Variants in TMTC4 observed in about 807,000 individuals in gnomAD.
TMTC4 encodes the protein transmembrane O-mannosyltransferase targeting cadherins 4, also known as protein O-mannosyl-transferase TMTC4.
TMTC4 carries 65 observed loss-of-function variants against 86.0 expected under a neutral mutation model. That is an observed-to-expected ratio of 0.76 (90% CI 0.62 to 0.93). The LOEUF (loss-of-function observed/expected upper bound fraction) is 0.93. TMTC4 is among the 40% of genes least tolerant of loss of function. The probability of loss-of-function intolerance (pLI) is 0.00; values close to 1 mark genes in which losing one functional copy is unlikely to be tolerated. For missense variants in TMTC4, 866 were observed against 948.1 expected (o/e 0.91, Z 1.14); for synonymous variants, 379 against 382.5 (o/e 0.99, Z 0.11).
At chr13:100,621,960 C>T (rs780996170) in intron 15 of TMTC4, among the ~76,000 whole-genome samples, 1 of 152,114 alleles carries the variant, frequency 6.6e-6, no homozygotes, top group Admixed American at 6.5e-5. Flanking sequence ...AGTCACCACT[C>T]GTAACATTAT....
chr13:100,660,850 C>T lies in TMTC4; in HGVS notation c.552+2114G>A, dbSNP rs551639528. Among the ~76,000 whole-genome samples the T allele has an allele frequency of 9.2e-5, 14 of 152,078 alleles. No homozygotes were observed. In the East Asian group the frequency reaches 1.7e-3, roughly 19 times the overall value. On this transcript the variant is annotated intron_variant, in intron 5 of 18. Transcript: ENST00000342624. ...TGTATTTTTAGTAGAGACGGTTTTT[C>T]GCCATGTTGGCCAGGCTGGTTTGGA...
intron 12 of TMTC4, among the ~76,000 whole-genome samples, chr13:100,632,818 C>G (rs1449706466): frequency 2.6e-5 from 4 of 152,074 alleles, no homozygotes; most frequent in Non-Finnish European, 4.4e-5. Context: ...CAGAGAGCTC[C>G]CCGTCTCCAC....
At chr13:100,663,588 A>G (rs1886059275) in intron 4 of TMTC4, among the ~76,000 whole-genome samples, 1 of 152,138 alleles carries the variant, frequency 6.6e-6, no homozygotes, top group Non-Finnish European at 1.5e-5. Context: ...CTTATCCTCC[A>G]AAAAAGGGCT....
chr13:100,647,290 C>A (rs1033082817), intron 6 of TMTC4, among the ~76,000 whole-genome samples: 1 of 152,194 alleles, frequency 6.6e-6, no homozygotes, highest in Non-Finnish European at 1.5e-5. Context: ...AGACCCCTGG[C>A]CCCTGCCGGC....
intron 1 of TMTC4, among the ~76,000 whole-genome samples, chr13:100,673,856 A>G (rs984775199): frequency 2.0e-5 from 3 of 152,078 alleles, no homozygotes; most frequent in Non-Finnish European, 4.4e-5. Flanking sequence ...GACTGCAGAG[A>G]AAAGGGACAG....
chr13:100,612,429 G>C lies in TMTC4; in HGVS notation c.2033C>G (p.Ala678Gly). 6.2e-7 allele frequency: 1 copy of C among 1,609,952 alleles called. No individual in the cohort carries two copies. The highest frequency in any genetic ancestry group is 1.7e-4 in the Middle Eastern group (1 of 6,044). The change falls in exon 17 of 19, where the codon GCA becomes GGA. Residue 678 changes from alanine (A) to glycine (G), a missense_variant. By Grantham distance (60) the Ala-to-Gly change is moderately conservative. Transcript: ENST00000342624. ...PNDHSLMFSL[A>G]NVLGKSQKYK... is the part of the protein sequence containing the mutation. The stretch of plus-strand genomic sequence containing the variant: ...TTTCTGGGATTTCCCCAGCACGTTT[G>C]CCAACGAGAACATGAGAGAGTGATC...
At chr13:100,607,400 C>A (rs929209909) in intron 17 of TMTC4, among the ~76,000 whole-genome samples, 61 of 152,076 alleles carry the variant, frequency 4.0e-4, no homozygotes, top group African/African-American at 1.4e-3. Context: ...GCCTGTAATC[C>A]CAGCTACTTG....
At chr13:100,652,728 G>C (rs887839385) in intron 6 of TMTC4, among the ~76,000 whole-genome samples, 1 of 152,160 alleles carries the variant, frequency 6.6e-6, no homozygotes, top group Non-Finnish European at 1.5e-5. Flanking sequence ...CTGCTATGAG[G>C]GGTACAGGAA....
chr13:100,641,644 C>A (rs1449848106), intron 7 of TMTC4, among the ~76,000 whole-genome samples: 1 of 152,150 alleles, frequency 6.6e-6, no homozygotes, highest in Non-Finnish European at 1.5e-5. Context: ...TGCACCATCG[C>A]GCCTGGCTAA....
chr13:100,632,617 C>T (rs1881599347), intron 12 of TMTC4, among the ~76,000 whole-genome samples: 1 of 152,158 alleles, frequency 6.6e-6, no homozygotes, highest in African/African-American at 2.4e-5. Context: ...ACTATTTTAT[C>T]TAAGTCTCTT....
rs1427249955 is a variant in TMTC4 at position 100,606,406 on chromosome 13, T to G, written c.2086A>C (p.Lys696Gln). ...KYKESEALFL[K>Q]AIKANPNAAS... ...GCATTTGGATTTGCTTTAATTGCCT[T>G]GAGGAATAAAGCTTCAGATTCCTAA... Residue 696 changes from lysine (K) to glutamine (Q), a missense_variant, in exon 18 of 19, where the codon AAG (lysine) becomes CAG (glutamine). Lys to Gln is a moderately conservative substitution (Grantham distance 53). Transcript: ENST00000342624. The G allele has an allele frequency of 1.2e-6, 2 of 1,613,358 alleles. No individual in the cohort carries two copies.
chr13:100,667,859 T>G (rs1056357805), intron 3 of TMTC4, among the ~76,000 whole-genome samples: 3 of 152,184 alleles, frequency 2.0e-5, no homozygotes, highest in Non-Finnish European at 4.4e-5. Flanking sequence ...CTTGCTCTGG[T>G]TTTTAGCCTG....
intron 1 of TMTC4, chr13:100,674,505 G>A (rs1887583849): frequency 1.0e-6 from 1 of 963,822 alleles, no homozygotes; most frequent in African/African-American, 1.8e-5. Flanking sequence ...GGGGCGCGCA[G>A]CCTCCACGCC....
chr13:100,660,330 CAAAAA>C (rs56177115), intron 5 of TMTC4, among the ~76,000 whole-genome samples: 30,041 of 130,852 alleles, frequency 0.23, 3,366 homozygotes, highest in East Asian at 0.37. Context: ...GACTGTGTAT[CAAAAA>C]AAAAAAAAAA....
intron 16 of TMTC4, among the ~76,000 whole-genome samples, chr13:100,613,353 T>A (rs1242215179): frequency 6.6e-6 from 1 of 152,308 alleles, no homozygotes; most frequent in East Asian, 1.9e-4. Context: ...CCTAACACCA[T>A]CATTTCTTAA....
chr13:100,614,497 T>TAAA, intron 15 of TMTC4, 67 bp from the exon 16 acceptor site: 39 of 768,206 alleles, frequency 5.1e-5, no homozygotes, highest in South Asian at 1.5e-4. Flanking sequence ...AAGACATTAT[T>TAAA]AAAAAAAAAA....
chr13:100,616,646 A>C (rs1317797500), intron 15 of TMTC4, among the ~76,000 whole-genome samples: 1 of 152,204 alleles, frequency 6.6e-6, no homozygotes, highest in Non-Finnish European at 1.5e-5. Flanking sequence ...GTGTCTAAGC[A>C]TTCCTTTTTC....
intron 12 of TMTC4, among the ~76,000 whole-genome samples, chr13:100,632,026 C>G (rs1228861445): frequency 1.5e-5 from 1 of 67,142 alleles, no homozygotes; most frequent in Non-Finnish European, 3.4e-5. Context: ...CACACACACA[C>G]ACACACACAC....
intron 2 of TMTC4, among the ~76,000 whole-genome samples, chr13:100,669,052 A>G (rs914163728): frequency 6.6e-6 from 1 of 152,218 alleles, no homozygotes; most frequent in Non-Finnish European, 1.5e-5. Flanking sequence ...TCGTTTAGAA[A>G]TACGAATGTA....
Sources: gnomAD v4.1 joint callset for allele counts (sites outside exome capture counted in the v4.1 genomes callset) on GRCh38, gnomAD v4.1.1 for gene constraint, MANE v1.5 for transcripts, NCBI Gene and HGNC (gene_info 2026-07-23, HGNC 2026-07-21) for gene names.